Variants in MAP7 observed in about 807,000 individuals in gnomAD.
MAP7 encodes ensconsin.
Under a neutral mutation model 94.8 loss-of-function variants are expected in MAP7, and 52 were observed. The ratio of observed to expected loss-of-function variants is 0.55; its 90% CI spans 0.44 to 0.69. The LOEUF is 0.69. Among genes scored for constraint, MAP7 ranks in the 30% least tolerant of loss-of-function variants. The pLI is 0.00. For missense variants in MAP7, 940 were observed against 964.6 expected (o/e 0.97, Z 0.34); for synonymous variants, 350 against 357.0 (o/e 0.98, Z 0.22).
intron 1 of MAP7, chr6:136,466,979 G>A (rs759893677): frequency 8.4e-7 from 1 of 1,187,834 alleles, no homozygotes; most frequent in Non-Finnish European, 1.1e-6. Context: ...GACAGCCACT[G>A]TTTTTAAACA....
intron 1 of MAP7, among the ~76,000 whole-genome samples, chr6:136,445,430 T>C (rs1799033258): frequency 6.6e-6 from 1 of 152,234 alleles, no homozygotes; most frequent in South Asian, 2.1e-4. Flanking sequence ...TTCACAAATT[T>C]ATTATTCCTT....
intron 16 of MAP7, 95 bp from the exon 17 acceptor site, chr6:136,346,174 T>G (rs981801441): frequency 7.2e-6 from 5 of 692,540 alleles, no homozygotes; most frequent in Non-Finnish European, 1.2e-5. Flanking sequence ...ATGAATAATT[T>G]TATAAATCTA....
intron 8 of MAP7, among the ~76,000 whole-genome samples, chr6:136,370,626 G>A (rs888609735): frequency 6.6e-6 from 1 of 152,142 alleles, no homozygotes; most frequent in African/African-American, 2.4e-5. Flanking sequence ...TGAACCTTGA[G>A]GACATTATGC....
intron 2 of MAP7, among the ~76,000 whole-genome samples, chr6:136,415,085 G>A (rs1281120537): frequency 6.6e-6 from 1 of 151,982 alleles, no homozygotes; most frequent in Non-Finnish European, 1.5e-5. Context: ...CATTACAAGC[G>A]TGAGCCACCA....
rs1827540434 is a variant in MAP7 at position 136,525,350 on chromosome 6, A to G, written c.67+24992T>C. ...TTACTCTTGACATTTTAGTATAGAA[A>G]GGGAAGTGACATTTTGACCCTCTGC... On this transcript the variant is annotated intron_variant, in intron 1 of 17. Transcript: ENST00000354570. Among the ~76,000 whole-genome samples the G allele has an allele frequency of 3.3e-5, 5 of 152,320 alleles. No homozygotes were observed. The South Asian group carries it at 1.0e-3, about 32-fold the overall frequency.
Position 136,430,115 on chromosome 6 carries a change from G to A in MAP7, c.68-8316C>T, listed in dbSNP as rs1336176982. ...CTATATTTTAACCGCTGGAAACGGA[G>A]TTTATCAAATTAGACCCAATTCAAT... On this transcript the variant is annotated intron_variant, in intron 1 of 17. Transcript: ENST00000354570. 4.5e-4 allele frequency among the ~76,000 whole-genome samples: 69 copies of A among 152,180 alleles called. 1 individual carries two copies. The highest frequency in any genetic ancestry group is 4.5e-3 in the Admixed American group (69 of 15,278).
intron 1 of MAP7, among the ~76,000 whole-genome samples, chr6:136,455,016 T>C (rs2128893064): frequency 6.6e-6 from 1 of 152,190 alleles, no homozygotes; most frequent in South Asian, 2.1e-4. Flanking sequence ...CTTATGCTAC[T>C]CCTTAAAGAC....
At chr6:136,465,706 T>C (rs1385340853) in intron 1 of MAP7, among the ~76,000 whole-genome samples, 3 of 152,122 alleles carry the variant, frequency 2.0e-5, no homozygotes, top group Non-Finnish European at 4.4e-5. Context: ...CAAATTCAGA[T>C]CCAACCCCAA....
chr6:136,384,951 T>C (rs1433654244), intron 5 of MAP7, among the ~76,000 whole-genome samples: 2 of 152,198 alleles, frequency 1.3e-5, no homozygotes, highest in African/African-American at 2.4e-5. Context: ...AAAGTCTTAT[T>C]CCTAATTTAT....
intron 1 of MAP7, among the ~76,000 whole-genome samples, chr6:136,499,129 AG>A (rs775889077): frequency 3.3e-5 from 5 of 152,096 alleles, no homozygotes; most frequent in Non-Finnish European, 5.9e-5. Context: ...CATGTTGGCC[AG>A]GCTGGTCTTG....
At position 136,360,814 on chromosome 6, in the gene MAP7, C is replaced by G; in HGVS notation, c.1702-16G>C. The G allele has an allele frequency of 1.2e-6, 2 of 1,612,238 alleles. No homozygotes were observed. Among genetic ancestry groups the G allele is most frequent in the Non-Finnish European group, 1.7e-6 (2 of 1,179,384 alleles). ...CTTCTTCTTTCTGAAAACAGAAGGTCGGCGTCTGCCTCTGACAAACAGGCG... is the reference window on the plus strand; with the variant it reads ...CTTCTTCTTTCTGAAAACAGAAGGTGGGCGTCTGCCTCTGACAAACAGGCG... On this transcript the variant is annotated splice_polypyrimidine_tract_variant and intron_variant, in intron 12 of 17. Transcript: ENST00000354570.
intron 2 of MAP7, among the ~76,000 whole-genome samples, chr6:136,420,885 A>T (rs1328433631): frequency 6.6e-6 from 1 of 152,156 alleles, no homozygotes; most frequent in Admixed American, 6.5e-5. Context: ...AGTTATTTCC[A>T]TCTTTATTCT....
At chr6:136,372,767 T>C (rs1774957234) in intron 7 of MAP7, 142 bp from the exon 8 acceptor site, 1 of 963,116 alleles carries the variant, frequency 1.0e-6, no homozygotes, top group Non-Finnish European at 1.6e-6. Flanking sequence ...AGGAAGAAGA[T>C]GTTATTACCT....
At chr6:136,492,850 A>G (rs1817029685) in intron 1 of MAP7, among the ~76,000 whole-genome samples, 1 of 152,176 alleles carries the variant, frequency 6.6e-6, no homozygotes. Context: ...ATTATTAAAT[A>G]AAGTACTTAA....
chr6:136,362,369 C>G, intron 11 of MAP7, 81 bp downstream of exon 11: 1 of 1,536,972 alleles, frequency 6.5e-7, no homozygotes, highest in Non-Finnish European at 8.8e-7. Context: ...TCAGTATTAT[C>G]ACCTCCTCCC....
chr6:136,450,293 T>C (rs1315894302), intron 1 of MAP7, among the ~76,000 whole-genome samples: 1 of 152,200 alleles, frequency 6.6e-6, no homozygotes, highest in Non-Finnish European at 1.5e-5. Flanking sequence ...AATCTAAACA[T>C]TATTTCCAAG....
At chr6:136,440,479 T>C (rs1228443547) in intron 1 of MAP7, among the ~76,000 whole-genome samples, 1 of 152,098 alleles carries the variant, frequency 6.6e-6, no homozygotes, top group Non-Finnish European at 1.5e-5. Flanking sequence ...TCATCAGTCA[T>C]AGGGAAAAAG....
chr6:136,410,990 T>C (rs1488861099), intron 3 of MAP7, among the ~76,000 whole-genome samples: 1 of 152,204 alleles, frequency 6.6e-6, no homozygotes, highest in East Asian at 1.9e-4. Context: ...TTTACATAAA[T>C]GGACATCAAA....
chr6:136,549,455 A>T (rs1222306766), intron 1 of MAP7, among the ~76,000 whole-genome samples: 2 of 152,032 alleles, frequency 1.3e-5, no homozygotes, highest in Non-Finnish European at 2.9e-5. Flanking sequence ...GAGGGAGAAA[A>T]ATCGGCTTCA....
Sources: allele counts gnomAD v4.1 joint callset (sites outside exome capture counted in the v4.1 genomes callset), GRCh38; gene constraint gnomAD v4.1.1; transcripts MANE v1.5; gene names NCBI Gene and HGNC (gene_info 2026-07-23, HGNC 2026-07-21).